The following ZNF362 variants were observed in gnomAD, a reference collection of about 807,000 sequenced individuals.
ZNF362 encodes the protein rotund homolog.
In ZNF362, 11 loss-of-function variants were observed where a neutral mutation model predicts 42.9. The ratio of observed to expected loss-of-function variants is 0.26; its 90% CI spans 0.16 to 0.42. The LOEUF (loss-of-function observed/expected upper bound fraction) is 0.42. Among genes scored for constraint, ZNF362 ranks in the 20% least tolerant of loss-of-function variants. The pLI, the probability that ZNF362 is intolerant of heterozygous loss-of-function variation, is 1.00. For missense variants in ZNF362, 362 were observed against 576.2 expected (o/e 0.63, Z 3.81); for synonymous variants, 255 against 257.3 (o/e 0.99, Z 0.09).
chr1:33,273,025 G>T (rs1213910463), intron 2 of ZNF362, among the ~76,000 whole-genome samples: 1 of 152,192 alleles, frequency 6.6e-6, no homozygotes, highest in Non-Finnish European at 1.5e-5. Context: ...GCTTGGCCTG[G>T]CCCTGGCTGT....
chr1:33,243,243 G>A, the ZNF362 span, among the ~76,000 whole-genome samples: 4 of 151,608 alleles, frequency 2.6e-5, no homozygotes, highest in Non-Finnish European at 5.9e-5. Flanking sequence ...GAAACCCTCC[G>A]CCTCCTGGGT....
At chr1:33,196,003 T>C in the ZNF362 span, 1 of 152,208 alleles carries the variant, frequency 6.6e-6, no homozygotes. Context: ...TAAAATATTT[T>C]CTTTATATCC....
chr1:33,164,173 C>T, the ZNF362 span: 1 of 152,276 alleles, frequency 6.6e-6, no homozygotes. Context: ...CCCGAGGGTC[C>T]TGCCCAGAGG....
chr1:33,229,184 A>G, the ZNF362 span, among the ~76,000 whole-genome samples: 525 of 152,000 alleles, frequency 3.5e-3, 2 homozygotes, highest in Admixed American at 9.0e-3. Context: ...CCTTTTCTCC[A>G]CAACCCTTAA....
the ZNF362 span, among the ~76,000 whole-genome samples, chr1:33,217,798 A>G: frequency 6.6e-6 from 1 of 152,158 alleles, no homozygotes; most frequent in Non-Finnish European, 1.5e-5. Flanking sequence ...ACACACAAAC[A>G]CACACCCACA....
the ZNF362 span, among the ~76,000 whole-genome samples, chr1:33,162,154 C>G: frequency 6.6e-6 from 1 of 152,212 alleles, no homozygotes; most frequent in Non-Finnish European, 1.5e-5. Context: ...AACTGAATCA[C>G]AGATGATCCT....
At chr1:33,269,464 C>T (rs546199380) in intron 1 of ZNF362, among the ~76,000 whole-genome samples, 12 of 152,104 alleles carry the variant, frequency 7.9e-5, no homozygotes, top group East Asian at 3.9e-4. Flanking sequence ...TCATAGTGTC[C>T]GGATAGTTTT....
chr1:33,281,529 C>T lies in ZNF362; in HGVS notation c.684-58C>T. On this transcript the variant is annotated intron_variant, in intron 5 of 8. Coordinates refer to ENST00000539719, the MANE Select transcript of ZNF362 (RefSeq NM_152493.3). The surrounding 1 kb of genome is among the most constrained non-coding windows in gnomAD (Gnocchi z 4.8). Reference sequence around the variant, plus strand: ...AAGGTCTCTCTGATGTAGAAGGCCTCCCCTGAGATGGACAGTCTGGGGGAT... The same window carrying T: ...AAGGTCTCTCTGATGTAGAAGGCCTTCCCTGAGATGGACAGTCTGGGGGAT... The T allele has an allele frequency of 1.9e-6, 3 of 1,564,856 alleles. No individual in the cohort carries two copies. Among genetic ancestry groups the T allele is most frequent in the Non-Finnish European group, 2.6e-6 (3 of 1,137,538 alleles).
the ZNF362 span, among the ~76,000 whole-genome samples, chr1:33,172,628 G>A: frequency 2.0e-5 from 3 of 152,164 alleles, no homozygotes; most frequent in Non-Finnish European, 4.4e-5. Context: ...GCAGCCCTGA[G>A]CACACAGTTA....
chr1:33,143,086 C>T, the ZNF362 span: 1 of 152,234 alleles, frequency 6.6e-6, no homozygotes, highest in African/African-American at 2.4e-5. Context: ...TTTGTCCCCT[C>T]TCTTCACTTA....
At chr1:33,162,273 A>T in the ZNF362 span, among the ~76,000 whole-genome samples, 1 of 152,100 alleles carries the variant, frequency 6.6e-6, no homozygotes, top group Non-Finnish European at 1.5e-5. Flanking sequence ...CCCTAGCGCC[A>T]CTGCATTGCA....
At chr1:33,193,338 G>C in the ZNF362 span, among the ~76,000 whole-genome samples, 1 of 152,146 alleles carries the variant, frequency 6.6e-6, no homozygotes, top group Admixed American at 6.6e-5. Flanking sequence ...TTGACATAAA[G>C]TTTGTCTTGG....
chr1:33,141,633 T>TGACCCA, the ZNF362 span, among the ~76,000 whole-genome samples: 1 of 152,238 alleles, frequency 6.6e-6, no homozygotes, highest in Admixed American at 6.5e-5. Flanking sequence ...CCTGGGTCTC[T>TGACCCA]GGTCCACAGT....
chr1:33,276,701 CGGGCAGGGCCTAG>C (rs1368036151), intron 4 of ZNF362, 107 bp downstream of exon 4: 1 of 1,235,950 alleles, frequency 8.1e-7, no homozygotes, highest in East Asian at 3.6e-5. Flanking sequence ...AAGAGCAGGG[CGGGCAGGGCCTAG>C]GGGTAGGGCA....
chr1:33,279,877 C>G (rs1645978523), intron 4 of ZNF362, among the ~76,000 whole-genome samples: 1 of 152,002 alleles, frequency 6.6e-6, no homozygotes, highest in Non-Finnish European at 1.5e-5. Flanking sequence ...CGGCAGTGAA[C>G]TTCTTTGTGC....
chr1:33,190,541 A>G, the ZNF362 span, among the ~76,000 whole-genome samples: 1 of 152,198 alleles, frequency 6.6e-6, no homozygotes. Flanking sequence ...GTGAAGGTGT[A>G]CTGGAAACAT....
At chr1:33,243,605 T>G in the ZNF362 span, among the ~76,000 whole-genome samples, 2 of 145,978 alleles carry the variant, frequency 1.4e-5, no homozygotes, top group Non-Finnish European at 3.0e-5. Flanking sequence ...TTTCTTTTCT[T>G]TTTTTTTTTT....
At chr1:33,240,633 GTATT>G in the ZNF362 span, among the ~76,000 whole-genome samples, 1 of 83,330 alleles carries the variant, frequency 1.2e-5, no homozygotes, top group Non-Finnish European at 2.9e-5. Context: ...TCTGCAAAAT[GTATT>G]TGTTTGTTTA....
the ZNF362 span, among the ~76,000 whole-genome samples, chr1:33,206,877 G>A: frequency 6.6e-6 from 1 of 152,092 alleles, no homozygotes; most frequent in South Asian, 2.1e-4. Context: ...ACTACAATAA[G>A]ATACTACTAT....
Sources: gnomAD v4.1 joint callset for allele counts (sites outside exome capture counted in the v4.1 genomes callset) on GRCh38, gnomAD v4.1.1 for gene constraint, Gnocchi (gnomAD v3.1) non-coding constraint, MANE v1.5 for transcripts, NCBI Gene and HGNC (gene_info 2026-07-23, HGNC 2026-07-21) for gene names.